PPL: variants seen among roughly 807,000 people sequenced by gnomAD.
PPL encodes periplakin, also known as 190 kDa paraneoplastic pemphigus antigen.
PPL carries 198 observed loss-of-function variants against 194.4 expected under a neutral mutation model. The observed-to-expected ratio is 1.02, with a 90% confidence interval of 0.91 to 1.15. The LOEUF (loss-of-function observed/expected upper bound fraction) is 1.15, where lower values mean the gene tolerates loss of function less well. Among genes scored for constraint, PPL ranks in the 50% most tolerant of loss-of-function variants. The pLI, the probability that PPL is intolerant of heterozygous loss-of-function variation, is 0.00. For synonymous variants in PPL, 1,220 were observed against 972.4 expected (o/e 1.25, Z -4.74); for missense variants, 2,885 against 2,294.8 (o/e 1.26, Z -5.25).
chr16:4,914,858 T>A (rs1015048903), intron 1 of PPL, among the ~76,000 whole-genome samples: 2 of 152,084 alleles, frequency 1.3e-5, no homozygotes, highest in African/African-American at 4.8e-5. Context: ...TCCTCCCTCA[T>A]TCCCTAACCC....
At position 4,886,044 on chromosome 16, in the gene PPL, G is replaced by C. The variant is rs769217590; in HGVS notation, c.2611C>G (p.Pro871Ala). The change falls in exon 22 of 22, where the codon CCG becomes GCG. Residue 871 changes from proline (P) to alanine (A), a missense_variant. Transcript: ENST00000345988. ...EFALNLLRQQ[P>A]EVEVTHETLQ... ...GTCTCATGGGTCACTTCTACTTCCG[G>C]CTGCTGTGATGGAGAAGACAAGACA... 6.2e-7 allele frequency: 1 copy of C among 1,613,850 alleles called. No homozygotes were observed. The highest frequency in any genetic ancestry group is 1.7e-5 in the Admixed American group (1 of 60,006).
At chr16:4,917,505 A>G (rs1361410412) in intron 1 of PPL, among the ~76,000 whole-genome samples, 1 of 152,212 alleles carries the variant, frequency 6.6e-6, no homozygotes, top group Non-Finnish European at 1.5e-5. Context: ...AGGAGGATGT[A>G]AAATGGACAG....
In PPL at chr16:4,901,026, GC is replaced by G; in HGVS notation, c.501del (p.Glu167AspfsTer46). The part of the protein sequence containing the change: ...DLPLVDHQVE[E>X]HNIFHNEVKA... ...TTGACCTCATTGTGGAAGATGTTAT[GC>G]TCCTCCACTTGGTGGTCCACCAGCG... is the stretch of plus-strand genomic sequence containing the variant. On this transcript the variant is annotated frameshift_variant, in exon 5 of 22. Transcript: ENST00000345988. LOFTEE classifies it high-confidence loss of function. The G allele has an allele frequency of 2.0e-5, 32 of 1,614,178 alleles. No homozygotes were observed. The highest frequency in any genetic ancestry group is 2.6e-5 in the Non-Finnish European group (31 of 1,180,024).
At position 4,893,545 on chromosome 16, in the gene PPL, G is replaced by A. The variant is rs144963342; in HGVS notation, c.1488C>T (p.Pro496=). 8.4e-4 allele frequency: 1,355 copies of A among 1,612,250 alleles called. 1 individual carries two copies. Among genetic ancestry groups the A allele is most frequent in the Non-Finnish European group, 1.0e-3 (1,206 of 1,179,752 alleles). ...GCGAGTGGCCCTGGCACCCACCTCC[G>A]GGATTCTCGGTCTTCAGCACCTCAT... The part of the protein sequence containing the change: ...QRYEVLKTEN[P]GDASDLQGRQ... Residue 496 remains proline (P), a synonymous_variant, in exon 13 of 22, where the codon CCC becomes CCT. Coordinates refer to ENST00000345988, the MANE Select transcript of PPL (RefSeq NM_002705.5).
At position 4,902,902 on chromosome 16, in the gene PPL, T is replaced by C. The variant is rs2088605625; in HGVS notation, c.318-376A>G. 6.6e-6 allele frequency among the ~76,000 whole-genome samples: 1 copy of C among 152,188 alleles called. No homozygotes were observed. Among genetic ancestry groups the C allele is most frequent in the Non-Finnish European group, 1.5e-5 (1 of 68,030 alleles). On this transcript the variant is annotated intron_variant, in intron 3 of 21. Coordinates refer to ENST00000345988, the MANE Select transcript of PPL (RefSeq NM_002705.5). The surrounding 1 kb of genome is among the most constrained non-coding windows in gnomAD (Gnocchi z 4.0). ...CGGGGTTTCACCATGTTGGTCAGGC[T>C]GGTCTCGAACTCCTGACCTCAGGTG... is the stretch of plus-strand genomic sequence containing the variant.
intron 19 of PPL, 58 bp downstream of exon 19, chr16:4,888,920 G>A (rs2088262154): frequency 1.3e-6 from 2 of 1,536,282 alleles, no homozygotes; most frequent in East Asian, 4.5e-5. Context: ...CTCTGACCAG[G>A]GCACGGTGGA....
chr16:4,889,672 T>C (rs182902481), intron 18 of PPL, among the ~76,000 whole-genome samples: 3 of 152,238 alleles, frequency 2.0e-5, no homozygotes, highest in African/African-American at 7.2e-5. Context: ...CTGACTTAGA[T>C]TATCTCATTT....
intron 8 of PPL, among the ~76,000 whole-genome samples, chr16:4,898,100 A>G (rs2088469835): frequency 6.6e-6 from 1 of 152,214 alleles, no homozygotes; most frequent in Non-Finnish European, 1.5e-5. Flanking sequence ...GACCCTGGCC[A>G]GGCATGGTGG....
intron 2 of PPL, among the ~76,000 whole-genome samples, chr16:4,905,161 C>A (rs564203063): frequency 6.6e-6 from 1 of 152,114 alleles, no homozygotes; most frequent in Non-Finnish European, 1.5e-5. Flanking sequence ...GAGCCGGCCG[C>A]CGGTCCCTTC....
intron 1 of PPL, among the ~76,000 whole-genome samples, chr16:4,924,552 A>T (rs184484367): frequency 1.2e-3 from 177 of 152,232 alleles, no homozygotes; most frequent in Middle Eastern, 3.4e-3. Context: ...ATTCTCTTTG[A>T]ACCCCGTGAC....
At chr16:4,891,062 T>C in intron 16 of PPL, 141 bp from the exon 17 acceptor site, 1 of 666,504 alleles carries the variant, frequency 1.5e-6, no homozygotes, top group Non-Finnish European at 2.5e-6. Context: ...CCTTGCTCTG[T>C]ACATCCCAAA....
chr16:4,933,469 C>T (rs1315337127), intron 1 of PPL, among the ~76,000 whole-genome samples: 1 of 152,154 alleles, frequency 6.6e-6, no homozygotes, highest in African/African-American at 2.4e-5. Context: ...TTGAGCCTGA[C>T]TGCAGAGCTG....
At chr16:4,911,244 C>A (rs1322599711) in intron 1 of PPL, among the ~76,000 whole-genome samples, 1 of 149,026 alleles carries the variant, frequency 6.7e-6, no homozygotes, top group South Asian at 2.1e-4. Flanking sequence ...TTACTGCAAC[C>A]TCCACTTCCT....
chr16:4,924,891 G>T (rs528881514), intron 1 of PPL, among the ~76,000 whole-genome samples: 11 of 152,300 alleles, frequency 7.2e-5, no homozygotes, highest in African/African-American at 2.2e-4. Context: ...CCACGTTCCT[G>T]CCATCACCTC....
Position 4,904,001 on chromosome 16 carries a change from G to C in PPL, c.202C>G (p.Arg68Gly), listed in dbSNP as rs150078229. 6.2e-7 allele frequency: 1 copy of C among 1,613,274 alleles called. No homozygotes were observed. The highest frequency in any genetic ancestry group is 8.5e-7 in the Non-Finnish European group (1 of 1,179,986). The change falls in exon 3 of 22, where the codon CGG becomes GGG. Residue 68 changes from arginine to glycine, a missense_variant. Physicochemically the swap from Arg to Gly is moderately radical, Grantham distance 125. Coordinates refer to ENST00000345988, the MANE Select transcript of PPL (RefSeq NM_002705.5). ...RLQEGRQPEH[R>G]DVTLQKVLDS... ...AACACCTTCTGCAGGGTCACGTCCCGGTGCTCAGGCTGCCGACCCTCCTGC... is the reference window on the plus strand; with the variant it reads ...AACACCTTCTGCAGGGTCACGTCCCCGTGCTCAGGCTGCCGACCCTCCTGC...
chr16:4,890,986 C>T, intron 16 of PPL, 65 bp from the exon 17 acceptor site: 1 of 1,380,478 alleles, frequency 7.2e-7, no homozygotes, highest in Non-Finnish European at 9.7e-7. Flanking sequence ...GCGATGACAC[C>T]CACTGAAGCC....
At position 4,886,661 on chromosome 16, in the gene PPL, C is replaced by T. The variant is rs543393653; in HGVS notation, c.2607+474G>A. ...TGAGACAGAGTCTCGCTCTGTTGCC[C>T]AGGCTGGAGTGCAGTGGCACAGTCT... On this transcript the variant is annotated intron_variant, in intron 21 of 21. Transcript: ENST00000345988. Among the ~76,000 whole-genome samples, 8 of 152,348 alleles carry T rather than the reference C, an allele frequency of 5.3e-5. No individual in the cohort carries two copies. The East Asian group carries it at 1.5e-3, about 29-fold the overall frequency.
intron 2 of PPL, among the ~76,000 whole-genome samples, chr16:4,908,823 G>A (rs543292496): frequency 3.0e-4 from 46 of 152,330 alleles, no homozygotes; most frequent in African/African-American, 1.0e-3. Context: ...TTACAGGCGC[G>A]AGCCACCGCA....
chr16:4,930,170 C>T (rs977519382), intron 1 of PPL, among the ~76,000 whole-genome samples: 7 of 152,214 alleles, frequency 4.6e-5, no homozygotes, highest in African/African-American at 1.7e-4. Context: ...CTTCTGTCAA[C>T]TGCACTCTCT....
Sources: allele counts gnomAD v4.1 joint callset (sites outside exome capture counted in the v4.1 genomes callset), GRCh38; gene constraint gnomAD v4.1.1; non-coding constraint Gnocchi (gnomAD v3.1); transcripts MANE v1.5; gene names NCBI Gene and HGNC (gene_info 2026-07-23, HGNC 2026-07-21).